CUBN: variants seen among roughly 807,000 people sequenced by gnomAD.
The protein encoded by CUBN is cubilin.
A neutral mutation model predicts 405.3 loss-of-function variants in CUBN; 282 were observed. That is an observed-to-expected ratio of 0.70 (90% CI 0.63 to 0.77). The LOEUF (loss-of-function observed/expected upper bound fraction) is 0.77, where lower values mean the gene tolerates loss of function less well. CUBN is among the 30% of genes least tolerant of loss of function. CUBN has a pLI of 0.00. For missense variants in CUBN, 4,514 were observed against 4,475.2 expected, an observed-to-expected ratio of 1.01 and a Z score of -0.25; for synonymous variants, 1,684 against 1,617.0, an observed-to-expected ratio of 1.04 and a Z score of -0.99.
Position 16,984,272 on chromosome 10 carries a change from C to T in CUBN, c.4358G>A (p.Gly1453Glu), listed in dbSNP as rs761860503. ...RCNFDVLEIYGGPDFHSPRIA... is the reference protein window; with the variant it reads ...RCNFDVLEIYEGPDFHSPRIA... ...TCTGGGAGAGTGGAAATCGGGGCCTCCATAGATCTAACATGGGATGTAGGA... is the reference window on the plus strand; with the variant it reads ...TCTGGGAGAGTGGAAATCGGGGCCTTCATAGATCTAACATGGGATGTAGGA... Residue 1453 changes from glycine to glutamate, a missense_variant, in exon 30 of 67, where the codon GGA becomes GAA. Gly to Glu is a moderately conservative substitution (Grantham distance 98, BLOSUM62 -2). This residue lies in a region of CUBN where 1,613 missense variants were observed against 1,542.8 expected (regional missense o/e 1.05). Transcript: ENST00000377833. 1.2e-6 allele frequency: 2 copies of T among 1,613,936 alleles called. No homozygotes were observed. The highest frequency in any genetic ancestry group is 2.2e-5 in the East Asian group (1 of 44,882).
intron 15 of CUBN, among the ~76,000 whole-genome samples, chr10:17,087,597 T>C (rs1036608300): frequency 9.4e-5 from 14 of 148,470 alleles, no homozygotes; most frequent in African/African-American, 3.5e-4. Flanking sequence ...TGCCTCAGAC[T>C]GACGAGTAGC....
intron 17 of CUBN, among the ~76,000 whole-genome samples, chr10:17,079,627 T>C (rs1338007007): frequency 6.6e-6 from 1 of 152,146 alleles, no homozygotes; most frequent in Non-Finnish European, 1.5e-5. Flanking sequence ...TTAATTTCAA[T>C]ATGTACTTAA....
chr10:16,847,918 C>T (rs940033868), intron 60 of CUBN, among the ~76,000 whole-genome samples: 9 of 151,998 alleles, frequency 5.9e-5, no homozygotes, highest in Admixed American at 2.6e-4. Context: ...AGGAATCAAC[C>T]GTCCCATTTA....
intron 48 of CUBN, among the ~76,000 whole-genome samples, chr10:16,908,407 A>G (rs1439905224): frequency 6.6e-6 from 1 of 152,198 alleles, no homozygotes; most frequent in Non-Finnish European, 1.5e-5. Context: ...GGCCTCCCAA[A>G]GTGCTGGGAT....
Position 17,071,395 on chromosome 10 carries a change from A to C in CUBN, c.2625+31T>G, listed in dbSNP as rs368142920. The C allele has an allele frequency of 5.0e-6, 8 of 1,607,516 alleles. No individual in the cohort carries two copies. The African/African-American group carries it at 9.4e-5, about 19-fold the overall frequency. On this transcript the variant is annotated intron_variant, in intron 19 of 66. Transcript: ENST00000377833. ...TAATATTTTTTATAATATACAACCA[A>C]ATACAAATTCAAAGATTTTTTCCCT...
At chr10:16,905,372 C>G (rs746709140) in intron 50 of CUBN, among the ~76,000 whole-genome samples, 1 of 152,072 alleles carries the variant, frequency 6.6e-6, no homozygotes, top group African/African-American at 2.4e-5. Flanking sequence ...TTGAGTACAC[C>G]GCAATCCTTT....
chr10:16,939,956 A>G (rs1588501148), intron 37 of CUBN, 76 bp downstream of exon 37: 1 of 1,200,160 alleles, frequency 8.3e-7, no homozygotes, highest in Non-Finnish European at 1.2e-6. Flanking sequence ...CTTGCTTAAT[A>G]TATTACTGAG....
At chr10:16,875,113 A>G (rs1177124597) in intron 57 of CUBN, among the ~76,000 whole-genome samples, 1 of 151,858 alleles carries the variant, frequency 6.6e-6, no homozygotes, top group African/African-American at 2.4e-5. Context: ...CCCAGTTTGT[A>G]TTAATATCAC....
intron 22 of CUBN, among the ~76,000 whole-genome samples, chr10:17,058,037 G>T (rs1388264992): frequency 6.6e-6 from 1 of 151,928 alleles, no homozygotes; most frequent in Non-Finnish European, 1.5e-5. Flanking sequence ...CAAGAGAATC[G>T]CTTGAACCTG....
intron 47 of CUBN, 113 bp from the exon 48 acceptor site, chr10:16,914,105 T>C: frequency 8.9e-7 from 1 of 1,123,294 alleles, no homozygotes; most frequent in Non-Finnish European, 1.3e-6. Flanking sequence ...ATAAAATTAG[T>C]CTCCATATTT....
intron 17 of CUBN, among the ~76,000 whole-genome samples, chr10:17,082,937 G>C (rs943572100): frequency 2.6e-5 from 4 of 152,000 alleles, no homozygotes; most frequent in African/African-American, 9.7e-5. Context: ...CAGGCAGTAA[G>C]CTGACAATGA....
chr10:16,942,787 G>A (rs1842685351), intron 36 of CUBN, among the ~76,000 whole-genome samples: 2 of 147,462 alleles, frequency 1.4e-5, no homozygotes, highest in South Asian at 4.3e-4. Flanking sequence ...AAAGGAAAAA[G>A]GGAAGGGAAG....
At chr10:16,983,941 T>C (rs1833347761) in intron 30 of CUBN, among the ~76,000 whole-genome samples, 164 bp downstream of exon 30, 1 of 152,244 alleles carries the variant, frequency 6.6e-6, no homozygotes, top group East Asian at 1.9e-4. Flanking sequence ...AGTTAAACTT[T>C]ATCACGTATT....
At chr10:17,022,957 T>G (rs1834536777) in intron 27 of CUBN, among the ~76,000 whole-genome samples, 1 of 152,238 alleles carries the variant, frequency 6.6e-6, no homozygotes, top group East Asian at 1.9e-4. Flanking sequence ...CTAAGCTCGA[T>G]GTGTCTTACG....
intron 45 of CUBN, 131 bp from the exon 46 acceptor site, chr10:16,916,161 TG>T: frequency 1.3e-6 from 1 of 798,222 alleles, no homozygotes; most frequent in Non-Finnish European, 2.0e-6. Flanking sequence ...GACTCTGAAT[TG>T]AAGTTTTAAA....
At chr10:17,099,622 A>G (rs1027282714) in intron 14 of CUBN, among the ~76,000 whole-genome samples, 4 of 152,114 alleles carry the variant, frequency 2.6e-5, no homozygotes, top group Admixed American at 2.6e-4. Flanking sequence ...GCCAAATTAG[A>G]TGGATTGCTT....
chr10:17,112,767 C>G (rs963477604), intron 8 of CUBN, among the ~76,000 whole-genome samples: 4 of 151,668 alleles, frequency 2.6e-5, no homozygotes, highest in Admixed American at 2.0e-4. Context: ...GGTTTCTTGG[C>G]GAGAAGAAAC....
At chr10:17,003,033 A>C (rs1027614621) in intron 28 of CUBN, among the ~76,000 whole-genome samples, 4 of 152,202 alleles carry the variant, frequency 2.6e-5, no homozygotes, top group Non-Finnish European at 4.4e-5. Context: ...AAATAGGCTG[A>C]AAAAGCCATC....
chr10:17,042,331 G>T (rs1163547386), intron 26 of CUBN, among the ~76,000 whole-genome samples: 3 of 152,106 alleles, frequency 2.0e-5, no homozygotes, highest in Admixed American at 6.6e-5. Context: ...GATGACTAGG[G>T]GCAACACAGG....
Sources: allele counts gnomAD v4.1 joint callset (sites outside exome capture counted in the v4.1 genomes callset), GRCh38; gene constraint gnomAD v4.1.1; regional missense constraint gnomAD v4.1.1; transcripts MANE v1.5; gene names NCBI Gene and HGNC (gene_info 2026-07-23, HGNC 2026-07-21).